Variants in SDK1 observed in about 807,000 individuals in gnomAD.
SDK1 encodes sidekick cell adhesion molecule 1.
Under a neutral mutation model 245.5 loss-of-function variants are expected in SDK1, and 157 were observed. The ratio of observed to expected loss-of-function variants is 0.64; its 90% CI spans 0.56 to 0.73. The LOEUF (loss-of-function observed/expected upper bound fraction) is 0.73. Among genes scored for constraint, SDK1 ranks in the 30% least tolerant of loss-of-function variants. The pLI is 0.00. For synonymous variants in SDK1, 1,647 were observed against 1,278.5 expected (o/e 1.29, Z -6.15); for missense variants, 3,583 against 3,002.3 (o/e 1.19, Z -4.52).
intron 4 of SDK1, among the ~76,000 whole-genome samples, chr7:3,810,606 T>A (rs1391344512): frequency 6.6e-6 from 1 of 152,212 alleles, no homozygotes. Context: ...AAAAAATATA[T>A]TTATTCTGGG....
chr7:4,098,412 C>G (rs1206328104), intron 22 of SDK1, among the ~76,000 whole-genome samples: 2 of 152,132 alleles, frequency 1.3e-5, no homozygotes, highest in Non-Finnish European at 2.9e-5. Flanking sequence ...CATCCTAATT[C>G]TCTTGTTGGA....
At chr7:3,908,799 T>A (rs1779051907) in intron 5 of SDK1, among the ~76,000 whole-genome samples, 1 of 151,946 alleles carries the variant, frequency 6.6e-6, no homozygotes, top group Non-Finnish European at 1.5e-5. Context: ...AAAGGAAGCA[T>A]TTTTGGGGGG....
chr7:4,140,618 G>T (rs1157948577), intron 28 of SDK1, among the ~76,000 whole-genome samples: 4 of 152,138 alleles, frequency 2.6e-5, no homozygotes, highest in African/African-American at 9.7e-5. Flanking sequence ...AAGAGCTGGG[G>T]CTCGATGCCG....
At chr7:4,209,876 A>G in intron 37 of SDK1, 149 bp from the exon 38 acceptor site, 2 of 741,256 alleles carry the variant, frequency 2.7e-6, no homozygotes, top group Non-Finnish European at 4.0e-6. Context: ...GGTGATCAAT[A>G]AATCTTTTCA....
intron 5 of SDK1, among the ~76,000 whole-genome samples, chr7:3,886,173 A>G (rs2128100615): frequency 6.6e-6 from 1 of 152,314 alleles, no homozygotes; most frequent in East Asian, 1.9e-4. Flanking sequence ...TGAAGGATGG[A>G]TCTGGGCCTT....
intron 4 of SDK1, among the ~76,000 whole-genome samples, chr7:3,699,563 A>T (rs1311236176): frequency 1.3e-5 from 2 of 151,902 alleles, no homozygotes; most frequent in African/African-American, 4.8e-5. Context: ...ACTTGAAGAT[A>T]AAAAAAATAG....
At chr7:3,390,071 T>C (rs1306837059) in intron 1 of SDK1, among the ~76,000 whole-genome samples, 1 of 152,104 alleles carries the variant, frequency 6.6e-6, no homozygotes, top group African/African-American at 2.4e-5. Flanking sequence ...AAAGCAGAAT[T>C]TGTAAGTGAT....
At chr7:3,572,648 G>A (rs1021124738) in intron 1 of SDK1, among the ~76,000 whole-genome samples, 3 of 151,986 alleles carry the variant, frequency 2.0e-5, no homozygotes, top group Admixed American at 6.6e-5. Context: ...GTGAAGATAG[G>A]CAACTATTCA....
intron 5 of SDK1, among the ~76,000 whole-genome samples, chr7:3,841,467 T>TG (rs1175754447): frequency 1.3e-5 from 2 of 152,180 alleles, no homozygotes; most frequent in African/African-American, 4.8e-5. Context: ...ACTAACATCT[T>TG]GCGCTAATGA....
intron 14 of SDK1, among the ~76,000 whole-genome samples, chr7:4,002,296 C>G (rs564454416): frequency 3.3e-5 from 5 of 152,250 alleles, no homozygotes; most frequent in African/African-American, 1.2e-4. Context: ...CGAAGCCTCA[C>G]CCCAAGCAGT....
rs145801929 is a variant in SDK1 at position 3,536,975 on chromosome 7, ATCTC to A, written c.299-82101_299-82098del. On this transcript the variant is annotated intron_variant, in intron 1 of 44. Transcript: ENST00000404826. Reference sequence around the variant, plus strand: ...ATCATTAAAAATATTTTTTTCTTCAATCTCTCTATTTTTTTAATTGAAGTATAAT... The same window carrying A: ...ATCATTAAAAATATTTTTTTCTTCAATCTATTTTTTTAATTGAAGTATAAT... Among the ~76,000 whole-genome samples, 910 of 152,154 alleles carry A rather than the reference ATCTC, an allele frequency of 6.0e-3. 8 individuals carry two copies. The highest frequency in any genetic ancestry group is 0.019 in the African/African-American group (771 of 41,524).
chr7:3,417,905 C>T (rs562865946), intron 1 of SDK1, among the ~76,000 whole-genome samples: 14 of 152,106 alleles, frequency 9.2e-5, no homozygotes, highest in South Asian at 2.1e-4. Flanking sequence ...GTGGTGGGGA[C>T]GGAAGTGAGT....
chr7:3,357,315 C>A (rs1282777291), intron 1 of SDK1, among the ~76,000 whole-genome samples: 4 of 103,246 alleles, frequency 3.9e-5, no homozygotes, highest in Non-Finnish European at 6.0e-5. Flanking sequence ...ACTCTTGCTC[C>A]CCTTCTTTTA....
chr7:3,727,752 A>G (rs1019472072), intron 4 of SDK1, among the ~76,000 whole-genome samples: 1 of 152,114 alleles, frequency 6.6e-6, no homozygotes, highest in Non-Finnish European at 1.5e-5. Context: ...CAGCCTCCCA[A>G]AGTGCTGGGA....
chr7:3,644,795 A>AC lies in SDK1; in HGVS notation c.713+2690_713+2691insC, dbSNP rs1450808475. 8.1e-5 allele frequency among the ~76,000 whole-genome samples: 10 copies of AC among 123,590 alleles called. 1 individual carries two copies. The highest frequency in any genetic ancestry group is 1.9e-4 in the Non-Finnish European group (10 of 52,688). The allele number at this position is 123,590 out of a possible 152,430, so 81.1% of individuals were successfully genotyped here. The stretch of plus-strand genomic sequence containing the variant: ...CTCCAAAAAAAAAAAAAAAAAAACA[A>AC]AAAACAACAACAACGGCGGGGCAGG... On this transcript the variant is annotated intron_variant, in intron 4 of 44. Coordinates refer to ENST00000404826, the MANE Select transcript of SDK1 (RefSeq NM_152744.4).
chr7:3,343,046 A>G (rs760919310), intron 1 of SDK1, among the ~76,000 whole-genome samples: 7 of 151,966 alleles, frequency 4.6e-5, no homozygotes, highest in Non-Finnish European at 1.0e-4. Flanking sequence ...ATGCAGAGAA[A>G]CATTGCTCAT....
At position 4,192,759 on chromosome 7, in the gene SDK1, G is replaced by A. The variant is rs934109533; in HGVS notation, c.5099-13120G>A. ...AATATCTCCAAGACCCGCCCGTGTC[G>A]AGAACACTCCTGCACTCGCCACCAG... On this transcript the variant is annotated intron_variant, in intron 35 of 44. Coordinates refer to ENST00000404826, the MANE Select transcript of SDK1 (RefSeq NM_152744.4). Among the ~76,000 whole-genome samples the A allele has an allele frequency of 2.6e-5, 4 of 151,772 alleles. No homozygotes were observed. In the East Asian group the frequency reaches 5.8e-4, roughly 22 times the overall value.
In SDK1 at chr7:3,582,349, C is replaced by T. The variant is rs1017823700; in HGVS notation, c.299-36731C>T. On this transcript the variant is annotated intron_variant, in intron 1 of 44. Coordinates refer to ENST00000404826, the MANE Select transcript of SDK1 (RefSeq NM_152744.4). ...GGTAGGTCTGTCTCAGGTAGGTCTC[C>T]CTCAGGTAGGTCTGTCTCAGGTAGG... 1.7e-3 allele frequency among the ~76,000 whole-genome samples: 239 copies of T among 141,670 alleles called. 1 individual carries two copies. The highest frequency in any genetic ancestry group is 3.5e-3 in the African/African-American group (127 of 36,700). The allele number at this position is 141,670 out of a possible 152,430, so 92.9% of individuals were successfully genotyped here.
intron 4 of SDK1, among the ~76,000 whole-genome samples, chr7:3,659,723 G>A (rs1385474358): frequency 2.0e-5 from 3 of 152,226 alleles, no homozygotes; most frequent in Non-Finnish European, 4.4e-5. Flanking sequence ...AGAATAGAGA[G>A]TAAGGGGCAG....
Sources: gnomAD v4.1 joint callset for allele counts (sites outside exome capture counted in the v4.1 genomes callset) on GRCh38, gnomAD v4.1.1 for gene constraint, MANE v1.5 for transcripts, NCBI Gene and HGNC (gene_info 2026-07-23, HGNC 2026-07-21) for gene names.